CIMIP7: variants seen among roughly 807,000 people sequenced by gnomAD.
CIMIP7 encodes the protein uncharacterized protein C3orf84.
the CIMIP7 span, among the ~76,000 whole-genome samples, chr3:49,183,800 A>C: frequency 6.6e-6 from 1 of 152,272 alleles, no homozygotes; most frequent in Non-Finnish European, 1.5e-5. Context: ...CTTTATTTGT[A>C]TGAGCCAAAA....
chr3:49,181,413 G>A, the CIMIP7 span, among the ~76,000 whole-genome samples: 1 of 151,706 alleles, frequency 6.6e-6, no homozygotes, highest in Non-Finnish European at 1.5e-5. Flanking sequence ...GACTTTGAGA[G>A]GCCAAGGAGG....
At chr3:49,182,619 T>G in the CIMIP7 span, among the ~76,000 whole-genome samples, 10 of 152,054 alleles carry the variant, frequency 6.6e-5, no homozygotes, top group Admixed American at 6.6e-4. Flanking sequence ...GATCCCGCAC[T>G]GGGGCTGCAG....
chr3:49,191,558 A>G, the CIMIP7 span: 6 of 709,620 alleles, frequency 8.5e-6, no homozygotes, highest in East Asian at 1.6e-4. Flanking sequence ...AAGGGGGCAA[A>G]GTGTTAGGAA....
the CIMIP7 span, chr3:49,178,179 T>TC: frequency 1.1e-6 from 1 of 900,624 alleles, no homozygotes; most frequent in African/African-American, 1.7e-5. Context: ...TACCCTGGCC[T>TC]CCTTGGCCTG....
chr3:49,181,206 G>C, the CIMIP7 span, among the ~76,000 whole-genome samples: 1 of 151,032 alleles, frequency 6.6e-6, no homozygotes, highest in South Asian at 2.1e-4. Context: ...GCTAGGTGTG[G>C]TGGTGGGCGC....
chr3:49,185,830 A>G, the CIMIP7 span, among the ~76,000 whole-genome samples: 2 of 151,008 alleles, frequency 1.3e-5, no homozygotes, highest in African/African-American at 4.9e-5. Context: ...AGTTTGGATT[A>G]CAGGTGCCAG....
At chr3:49,190,193 T>C in the CIMIP7 span, 1 of 1,302,572 alleles carries the variant, frequency 7.7e-7, no homozygotes, top group East Asian at 2.5e-5. Context: ...CCATGGATCC[T>C]AGACCTCAGG....
At chr3:49,188,049 AC>A in the CIMIP7 span, among the ~76,000 whole-genome samples, 2 of 152,220 alleles carry the variant, frequency 1.3e-5, no homozygotes, top group African/African-American at 4.8e-5. Context: ...GAGGGCAATG[AC>A]AAACATACAG....
At chr3:49,190,167 C>T in the CIMIP7 span, 3 of 1,519,566 alleles carry the variant, frequency 2.0e-6, no homozygotes, top group Non-Finnish European at 2.7e-6. Context: ...GAGGATAAAA[C>T]TCACTCAAAT....
the CIMIP7 span, chr3:49,178,564 G>A: frequency 3.1e-6 from 5 of 1,605,792 alleles, no homozygotes; most frequent in Non-Finnish European, 4.3e-6. Flanking sequence ...GAAAGAAGGT[G>A]AATGGGGAAA....
chr3:49,182,893 G>C, the CIMIP7 span, among the ~76,000 whole-genome samples: 73 of 152,308 alleles, frequency 4.8e-4, no homozygotes, highest in Middle Eastern at 0.014. Context: ...GCCCGGGGCG[G>C]GGGGGCCAGC....
At chr3:49,183,350 A>T in the CIMIP7 span, among the ~76,000 whole-genome samples, 2 of 152,228 alleles carry the variant, frequency 1.3e-5, no homozygotes, top group Non-Finnish European at 2.9e-5. Flanking sequence ...ATAAAGTGGT[A>T]AAGCCACTCT....
chr3:49,185,999 C>CT, the CIMIP7 span, among the ~76,000 whole-genome samples: 723 of 129,206 alleles, frequency 5.6e-3, 8 homozygotes, highest in South Asian at 0.031. Flanking sequence ...TTTTATAGCT[C>CT]TTTTTTTTTT....
the CIMIP7 span, among the ~76,000 whole-genome samples, chr3:49,181,987 C>A: frequency 6.6e-6 from 1 of 152,132 alleles, no homozygotes; most frequent in Non-Finnish European, 1.5e-5. Context: ...AGCTGCAGAC[C>A]TCCGCGGTGA....
the CIMIP7 span, chr3:49,177,839 TA>T: frequency 1.9e-6 from 3 of 1,613,158 alleles, no homozygotes; most frequent in South Asian, 3.3e-5. Flanking sequence ...GTGGTCCTGG[TA>T]TGGGAAGGCT....
At chr3:49,186,015 TTTG>T in the CIMIP7 span, among the ~76,000 whole-genome samples, 1 of 150,770 alleles carries the variant, frequency 6.6e-6, no homozygotes, top group Non-Finnish European at 1.5e-5. Flanking sequence ...TTTTTTTTTT[TTTG>T]ACACAGAGTT....
chr3:49,189,998 C>CCCGCTG, the CIMIP7 span: 1 of 1,564,810 alleles, frequency 6.4e-7, no homozygotes, highest in East Asian at 2.2e-5. Context: ...TCTAGTCACC[C>CCCGCTG]CCGCTGCCTT....
the CIMIP7 span, chr3:49,177,927 A>G: frequency 1.2e-6 from 2 of 1,613,822 alleles, no homozygotes; most frequent in Non-Finnish European, 1.7e-6. Flanking sequence ...CCTGGTAAGA[A>G]GATTCCAGGG....
the CIMIP7 span, among the ~76,000 whole-genome samples, chr3:49,184,684 A>G: frequency 6.9e-6 from 1 of 145,354 alleles, no homozygotes; most frequent in African/African-American, 2.6e-5. Flanking sequence ...GCCGGAGTGC[A>G]GTGGCGTGAT....
Sources: allele counts gnomAD v4.1 joint callset (sites outside exome capture counted in the v4.1 genomes callset), GRCh38; gene constraint gnomAD v4.1.1; transcripts MANE v1.5; gene names NCBI Gene and HGNC (gene_info 2026-07-23, HGNC 2026-07-21).